Variants in MCF2L observed in about 807,000 individuals in gnomAD.
MCF2L encodes the protein MCF.2 cell line derived transforming sequence like.
A neutral mutation model predicts 153.4 loss-of-function variants in MCF2L; 97 were observed. The ratio of observed to expected loss-of-function variants is 0.63; its 90% CI spans 0.54 to 0.75. MCF2L has a LOEUF of 0.75. Among genes scored for constraint, MCF2L ranks in the 30% least tolerant of loss-of-function variants. MCF2L has a pLI of 0.00. For missense variants in MCF2L, 1,347 were observed against 1,495.2 expected, an observed-to-expected ratio of 0.90 and a Z score of 1.64; for synonymous variants, 659 against 632.2, an observed-to-expected ratio of 1.04 and a Z score of -0.64.
chr13:113,030,403 A>G (rs1490367881), intron 3 of MCF2L, among the ~76,000 whole-genome samples: 684 of 31,824 alleles, frequency 0.021, no homozygotes, highest in African/African-American at 0.038. Flanking sequence ...GCCGACGCAG[A>G]TGTGGGCCCT....
Position 112,907,501 on chromosome 13 carries a change from T to G in MCF2L, c.169+5130T>G, listed in dbSNP as rs1447143852. Among the ~76,000 whole-genome samples, 1 of 152,096 alleles carries G rather than the reference T, an allele frequency of 6.6e-6. No individual in the cohort carries two copies. The highest frequency in any genetic ancestry group is 1.5e-5 in the Non-Finnish European group (1 of 68,010). On this transcript the variant is annotated intron_variant, in intron 2 of 29. Transcript: ENST00000375608. The surrounding 1 kb of genome is among the most constrained non-coding windows in gnomAD (Gnocchi z 5.1). ...GGGTCAGTCGCGGCTTGGTGGAGAA[T>G]GGCTGAATCCTGGCAACTGTGGCCT...
chr13:113,008,363 G>A (rs1555363869), intron 1 of MCF2L, among the ~76,000 whole-genome samples: 5 of 144,180 alleles, frequency 3.5e-5, no homozygotes, highest in Non-Finnish European at 7.6e-5. Context: ...CTGTGTCTCA[G>A]CCCCTGGACT....
At chr13:112,947,362 A>G (rs939083960) in intron 2 of MCF2L, among the ~76,000 whole-genome samples, 8 of 152,168 alleles carry the variant, frequency 5.3e-5, no homozygotes, top group Non-Finnish European at 8.8e-5. Context: ...GCTCATTCCA[A>G]CACCAACTCA....
intron 2 of MCF2L, among the ~76,000 whole-genome samples, chr13:112,945,857 T>G (rs980446709): frequency 6.6e-6 from 1 of 152,210 alleles, no homozygotes; most frequent in Non-Finnish European, 1.5e-5. Context: ...GGTGAATTGA[T>G]GAGGAGGGGC....
In MCF2L at chr13:112,907,519, T is replaced by C. The variant is rs2081185295; in HGVS notation, c.169+5148T>C. On this transcript the variant is annotated intron_variant, in intron 2 of 29. Transcript: ENST00000375608. The surrounding 1 kb of genome is among the most constrained non-coding windows in gnomAD (Gnocchi z 5.1). ...TGGAGAATGGCTGAATCCTGGCAAC[T>C]GTGGCCTTTGCAGGGGCTGTAGTTG... 6.6e-6 allele frequency among the ~76,000 whole-genome samples: 1 copy of C among 152,118 alleles called. No homozygotes were observed. Among genetic ancestry groups the C allele is most frequent in the South Asian group, 2.1e-4 (1 of 4,822 alleles).
chr13:112,911,031 ACT>A (rs1313565666), intron 2 of MCF2L, among the ~76,000 whole-genome samples: 1 of 150,798 alleles, frequency 6.6e-6, no homozygotes, highest in Non-Finnish European at 1.5e-5. Flanking sequence ...GGTGGGGCTG[ACT>A]CTCTCGCCCC....
chr13:113,049,182 AAGGAGGC>A (rs773674032), intron 4 of MCF2L, among the ~76,000 whole-genome samples: 4 of 152,234 alleles, frequency 2.6e-5, no homozygotes, highest in Non-Finnish European at 4.4e-5. Context: ...CCACAAGGCC[AAGGAGGC>A]AGGAGGCGGG....
chr13:113,094,374 C>A (rs2035470910), intron 26 of MCF2L, 140 bp from the exon 27 acceptor site: 6 of 827,852 alleles, frequency 7.2e-6, no homozygotes, highest in Non-Finnish European at 1.1e-5. Flanking sequence ...TCTTTATGAA[C>A]CCGGGAAGAT....
chr13:113,094,838 T>C, intron 27 of MCF2L: 1 of 1,081,246 alleles, frequency 9.2e-7, no homozygotes, highest in East Asian at 2.9e-5. Context: ...GACCTGGGTC[T>C]TGGGGCACAG....
intron 1 of MCF2L, among the ~76,000 whole-genome samples, chr13:112,988,201 C>T (rs1373814569): frequency 4.0e-5 from 6 of 150,296 alleles, no homozygotes; most frequent in Non-Finnish European, 4.4e-5. Context: ...TGCCTCTGCC[C>T]GGGATGCATG....
rs749091001 is a variant in MCF2L, at chr13:113,086,108, A to C, written c.2248-16A>C. On this transcript the variant is annotated splice_polypyrimidine_tract_variant and intron_variant, in intron 20 of 29. Coordinates refer to ENST00000535094, the MANE Select transcript of MCF2L (RefSeq NM_001112732.3). ...CTCCGTGTCCCGACGCGGTTGCCTC[A>C]CCCCATGCCCCTCAGGAAATGCTGA... The C allele has an allele frequency of 6.3e-7, 1 of 1,594,844 alleles. No individual in the cohort carries two copies. The highest frequency in any genetic ancestry group is 1.1e-5 in the South Asian group (1 of 89,172).
At chr13:112,923,760 C>A (rs572945201) in intron 2 of MCF2L, among the ~76,000 whole-genome samples, 1 of 152,052 alleles carries the variant, frequency 6.6e-6, no homozygotes, top group Non-Finnish European at 1.5e-5. Context: ...TATGAGTTGT[C>A]CCCCTAAATG....
chr13:112,905,524 C>A (rs561691191), intron 2 of MCF2L, among the ~76,000 whole-genome samples: 11 of 152,146 alleles, frequency 7.2e-5, no homozygotes, highest in Non-Finnish European at 1.0e-4. Flanking sequence ...AGGACAAAGA[C>A]GAGGGATTTG....
chr13:112,907,398 G>C lies in MCF2L; in HGVS notation c.169+5027G>C, dbSNP rs1340226798. On this transcript the variant is annotated intron_variant, in intron 2 of 29. Coordinates refer to the MCF2L transcript ENST00000375608. This position sits in a 1 kb window ranked among gnomAD's most constrained non-coding sequence, Gnocchi z 5.1. ...GTTTCTGGCATGGGTCATAGTCGTG[G>C]CTTGGTGGAGAATCCTCGGTGTTTG... 6.6e-6 allele frequency among the ~76,000 whole-genome samples: 1 copy of C among 152,226 alleles called. No individual in the cohort carries two copies. The highest frequency in any genetic ancestry group is 1.5e-5 in the Non-Finnish European group (1 of 68,042).
At chr13:112,912,981 GTC>G (rs1458013882) in intron 2 of MCF2L, among the ~76,000 whole-genome samples, 5 of 150,534 alleles carry the variant, frequency 3.3e-5, no homozygotes, top group Non-Finnish European at 5.9e-5. Context: ...TATGGGGTGT[GTC>G]TGTGTGATTG....
At chr13:113,003,069 G>A (rs944176602) in intron 1 of MCF2L, among the ~76,000 whole-genome samples, 4 of 152,280 alleles carry the variant, frequency 2.6e-5, no homozygotes, top group Non-Finnish European at 4.4e-5. Context: ...CCAGCCACCT[G>A]GGGGGCTGAG....
At position 113,028,762 on chromosome 13, in the gene MCF2L, C is replaced by A. The variant is rs2085462055; in HGVS notation, c.278+4004C>A. Among the ~76,000 whole-genome samples the A allele has an allele frequency of 6.6e-6, 1 of 152,126 alleles. No individual in the cohort carries two copies. Among genetic ancestry groups the A allele is most frequent in the Non-Finnish European group, 1.5e-5 (1 of 68,022 alleles). The stretch of plus-strand genomic sequence containing the variant: ...AGTGCTGCTGACCGTGGAGCTGTTT[C>A]CCCCACCAGACTCAGTGTGGGTGTC... On this transcript the variant is annotated intron_variant, in intron 3 of 29. Transcript: ENST00000535094. This position sits in a 1 kb window ranked among gnomAD's most constrained non-coding sequence, Gnocchi z 5.4.
chr13:113,024,360 C>T (rs544307140), intron 2 of MCF2L, among the ~76,000 whole-genome samples: 2 of 151,260 alleles, frequency 1.3e-5, no homozygotes, highest in South Asian at 4.2e-4. Context: ...GTTAAAAAAG[C>T]CCATAGAAAA....
intron 1 of MCF2L, among the ~76,000 whole-genome samples, chr13:112,998,546 A>C (rs943986260): frequency 2.0e-5 from 3 of 152,188 alleles, no homozygotes; most frequent in African/African-American, 7.2e-5. Context: ...GGAAGCCTGC[A>C]AGAAATCACA....
Sources: allele counts gnomAD v4.1 joint callset (sites outside exome capture counted in the v4.1 genomes callset), GRCh38; gene constraint gnomAD v4.1.1; non-coding constraint Gnocchi (gnomAD v3.1); transcripts MANE v1.5; gene names NCBI Gene and HGNC (gene_info 2026-07-23, HGNC 2026-07-21).